MAP4K4: variants seen among roughly 807,000 people sequenced by gnomAD.
The protein encoded by MAP4K4 is HPK/GCK-like kinase HGK.
In MAP4K4, 38 loss-of-function variants were observed where a neutral mutation model predicts 189.6. The ratio of observed to expected loss-of-function variants is 0.20; its 90% CI spans 0.15 to 0.26. MAP4K4 has a LOEUF of 0.26. Among genes scored for constraint, MAP4K4 ranks in the 10% least tolerant of loss-of-function variants. MAP4K4 has a pLI of 1.00. For missense variants in MAP4K4, 1,054 were observed against 1,726.9 expected, an observed-to-expected ratio of 0.61 and a Z score of 6.91; for synonymous variants, 610 against 624.3, an observed-to-expected ratio of 0.98 and a Z score of 0.34.
chr2:101,848,131 C>G (rs1204826012), intron 12 of MAP4K4, among the ~76,000 whole-genome samples: 1 of 152,312 alleles, frequency 6.6e-6, no homozygotes, highest in East Asian at 1.9e-4. Context: ...GAAGAAATCA[C>G]CTAACGACGC....
chr2:101,699,658 CTTA>C (rs897256413), intron 2 of MAP4K4, among the ~76,000 whole-genome samples: 2 of 152,008 alleles, frequency 1.3e-5, no homozygotes, highest in Non-Finnish European at 2.9e-5. Context: ...AAGTGTGGAT[CTTA>C]TTGTCTCTTT....
chr2:101,863,760 A>C, intron 16 of MAP4K4, 61 bp from the exon 17 acceptor site: 1 of 1,180,592 alleles, frequency 8.5e-7, no homozygotes, highest in Non-Finnish European at 1.2e-6. Flanking sequence ...TTTGGTATTG[A>C]CCAGAAAAGC....
chr2:101,809,623 T>C (rs1320748229), intron 3 of MAP4K4, among the ~76,000 whole-genome samples: 3 of 152,252 alleles, frequency 2.0e-5, no homozygotes, highest in Non-Finnish European at 4.4e-5. Context: ...AACCTCTCAA[T>C]AAACTGCTTG....
chr2:101,855,871 C>T (rs182716789), intron 12 of MAP4K4, 106 bp from the exon 13 acceptor site: 78 of 1,115,042 alleles, frequency 7.0e-5, no homozygotes, highest in Middle Eastern at 2.5e-4. Flanking sequence ...GGCCCATGAA[C>T]CTCACCTCAT....
At chr2:101,886,994 C>T (rs2098496429) in intron 29 of MAP4K4, 94 bp from the exon 30 acceptor site, 1 of 953,894 alleles carries the variant, frequency 1.0e-6, no homozygotes, top group African/African-American at 1.7e-5. Flanking sequence ...CACTGCACTC[C>T]AGCCTGGGTG....
rs991761610 is a variant in MAP4K4 at position 101,818,823 on chromosome 2, C to A, written c.181-5105C>A. ...CCTTTTCTGTGAGGATTTGCTTCCA[C>A]TGGTTAAAGTCCAAAATGCTAATTG... On this transcript the variant is annotated intron_variant, in intron 3 of 32. Coordinates refer to ENST00000324219, the Ensembl canonical transcript of MAP4K4. Among the ~76,000 whole-genome samples, 4 of 152,190 alleles carry A rather than the reference C, an allele frequency of 2.6e-5. No homozygotes were observed. The South Asian group carries it at 6.2e-4, about 24-fold the overall frequency.
At chr2:101,844,424 C>A in intron 12 of MAP4K4, 113 bp downstream of exon 12, 1 of 803,912 alleles carries the variant, frequency 1.2e-6, no homozygotes, top group Non-Finnish European at 2.0e-6. Context: ...ATACTTATCC[C>A]CTGGCACAGC....
At chr2:101,865,872 T>G (rs185339685) in intron 18 of MAP4K4, among the ~76,000 whole-genome samples, 62 of 152,310 alleles carry the variant, frequency 4.1e-4, no homozygotes, top group Non-Finnish European at 6.8e-4. Context: ...GACTGTGGTG[T>G]TCTTCCCTGA....
chr2:101,801,641 C>A (rs1172034254), intron 3 of MAP4K4, among the ~76,000 whole-genome samples: 2 of 152,168 alleles, frequency 1.3e-5, no homozygotes, highest in Non-Finnish European at 1.5e-5. Flanking sequence ...GCGGTGGAAA[C>A]CCTACCCAGA....
intron 2 of MAP4K4, among the ~76,000 whole-genome samples, chr2:101,723,147 A>C (rs1477990722): frequency 6.6e-6 from 1 of 152,224 alleles, no homozygotes; most frequent in Non-Finnish European, 1.5e-5. Flanking sequence ...CGAGAACAGC[A>C]TGTGGGAAAC....
chr2:101,800,854 C>T (rs549940734), intron 3 of MAP4K4, among the ~76,000 whole-genome samples: 3 of 152,294 alleles, frequency 2.0e-5, no homozygotes, highest in Admixed American at 2.0e-4. Context: ...TAAATTAAAA[C>T]TTGCTGTGAA....
chr2:101,762,127 G>C (rs2076749982), intron 2 of MAP4K4, among the ~76,000 whole-genome samples: 1 of 152,180 alleles, frequency 6.6e-6, no homozygotes, highest in Admixed American at 6.5e-5. Context: ...GGTGGAAAGT[G>C]AATTGACTTT....
chr2:101,698,406 C>T (rs960660153), intron 1 of MAP4K4, 67 bp from the exon 2 acceptor site: 8 of 1,393,350 alleles, frequency 5.7e-6, no homozygotes, highest in Non-Finnish European at 8.2e-6. Flanking sequence ...TCTCCAACTG[C>T]CTTGCTTGAT....
intron 12 of MAP4K4, among the ~76,000 whole-genome samples, chr2:101,847,270 G>A (rs2097139606): frequency 6.6e-6 from 1 of 152,122 alleles, no homozygotes; most frequent in African/African-American, 2.4e-5. Flanking sequence ...ATATGTTACT[G>A]GGTTTATGTA....
At chr2:101,871,867 A>G (rs1236374096) in intron 24 of MAP4K4, among the ~76,000 whole-genome samples, 182 bp downstream of exon 24, 2 of 151,870 alleles carry the variant, frequency 1.3e-5, no homozygotes, top group African/African-American at 4.8e-5. Context: ...AAACCCCTTA[A>G]CCCTAGATCA....
At chr2:101,831,583 T>G in intron 6 of MAP4K4, 138 bp from the exon 7 acceptor site, 1 of 908,516 alleles carries the variant, frequency 1.1e-6, no homozygotes. Context: ...GTGCCTGCCT[T>G]GAGCAGGATC....
intron 2 of MAP4K4, among the ~76,000 whole-genome samples, chr2:101,707,481 T>G (rs1410575047): frequency 6.6e-6 from 1 of 152,072 alleles, no homozygotes; most frequent in Admixed American, 6.5e-5. Flanking sequence ...AGTGCTGGGA[T>G]TACAGGCATG....
chr2:101,882,700 C>A lies in MAP4K4; in HGVS notation c.3520+15C>A. On this transcript the variant is annotated intron_variant, in intron 28 of 32. Coordinates refer to ENST00000324219, the Ensembl canonical transcript of MAP4K4. ...TTATAAAGTTGGTAAGTTCTAGAAG[C>A]GTCATATTTTGTTTTTCCAGAGTTT... is the stretch of plus-strand genomic sequence containing the variant. The A allele has an allele frequency of 6.6e-7, 1 of 1,518,706 alleles. No homozygotes were observed. Among genetic ancestry groups the A allele is most frequent in the African/African-American group, 1.4e-5 (1 of 71,104 alleles). 94.1% of individuals were successfully genotyped at this position (1,518,706 alleles called of 1,614,324 possible).
At chr2:101,812,297 G>T (rs1417833257) in intron 3 of MAP4K4, among the ~76,000 whole-genome samples, 2 of 152,180 alleles carry the variant, frequency 1.3e-5, no homozygotes, top group Admixed American at 1.3e-4. Flanking sequence ...TCAGAGTACA[G>T]GGAGATGATG....
Sources: gnomAD v4.1 joint callset for allele counts (sites outside exome capture counted in the v4.1 genomes callset) on GRCh38, gnomAD v4.1.1 for gene constraint, MANE v1.5 for transcripts, NCBI Gene and HGNC (gene_info 2026-07-23, HGNC 2026-07-21) for gene names.